RBFOX1: variants seen among roughly 807,000 people sequenced by gnomAD.
The protein encoded by RBFOX1 is RNA binding protein fox-1 homolog 1.
A neutral mutation model predicts 57.7 loss-of-function variants in RBFOX1; 8 were observed. The observed-to-expected ratio is 0.14, with a 90% confidence interval of 0.08 to 0.25. RBFOX1 has a LOEUF of 0.25. Ranked by LOEUF, RBFOX1 falls within the 10% of genes least tolerant of loss-of-function variation. The pLI is 1.00. For missense variants in RBFOX1, 611 were observed against 548.5 expected (o/e 1.11, Z -1.14); for synonymous variants, 326 against 222.4 (o/e 1.47, Z -4.15).
At chr16:6,458,461 C>G (rs1567322551) in intron 2 of RBFOX1, among the ~76,000 whole-genome samples, 1 of 152,230 alleles carries the variant, frequency 6.6e-6, no homozygotes, top group Non-Finnish European at 1.5e-5. Flanking sequence ...ACGGAAAGAG[C>G]TTGCCATGAC....
intron 1 of RBFOX1, among the ~76,000 whole-genome samples, chr16:6,051,198 G>A (rs932175347): frequency 1.3e-5 from 2 of 151,578 alleles, no homozygotes; most frequent in Non-Finnish European, 2.9e-5. Context: ...CTGGGTACTA[G>A]AGGTGTCCCA....
At chr16:6,590,661 C>T (rs946127529) in intron 2 of RBFOX1, among the ~76,000 whole-genome samples, 4 of 152,174 alleles carry the variant, frequency 2.6e-5, no homozygotes, top group Non-Finnish European at 4.4e-5. Flanking sequence ...TCCCTGCATT[C>T]AGAGGATATT....
At chr16:6,534,968 G>T (rs78066211) in intron 2 of RBFOX1, among the ~76,000 whole-genome samples, 1 of 152,272 alleles carries the variant, frequency 6.6e-6, no homozygotes, top group Non-Finnish European at 1.5e-5. Flanking sequence ...GTAGCAGGAG[G>T]TATGAGCTTT....
chr16:5,675,250 A>G (rs184883099), intron 3 of RBFOX1, among the ~76,000 whole-genome samples: 9 of 152,320 alleles, frequency 5.9e-5, no homozygotes, highest in Non-Finnish European at 1.3e-4. Context: ...CCACCCACAC[A>G]CACATAGAAA....
intron 4 of RBFOX1, among the ~76,000 whole-genome samples, chr16:5,929,433 G>A (rs1033471333): frequency 3.9e-5 from 6 of 152,090 alleles, no homozygotes; most frequent in Admixed American, 6.6e-5. Flanking sequence ...ATGTGACGTT[G>A]AGCAATCATC....
At chr16:6,257,065 TG>T (rs2097672375) in intron 1 of RBFOX1, among the ~76,000 whole-genome samples, 1 of 152,190 alleles carries the variant, frequency 6.6e-6, no homozygotes, top group Non-Finnish European at 1.5e-5. Context: ...GGTCATTTTT[TG>T]ATGTATTTTA....
chr16:5,858,816 G>A (rs1359309906), intron 3 of RBFOX1, among the ~76,000 whole-genome samples: 1 of 152,184 alleles, frequency 6.6e-6, no homozygotes, highest in Non-Finnish European at 1.5e-5. Flanking sequence ...TTACACTTAT[G>A]GTTAAAATTT....
intron 14 of RBFOX1, among the ~76,000 whole-genome samples, chr16:7,691,607 G>T (rs932480826): frequency 6.6e-6 from 1 of 152,102 alleles, no homozygotes; most frequent in Non-Finnish European, 1.5e-5. Context: ...TAGTTTCTTA[G>T]AGGGCTGTTT....
intron 4 of RBFOX1, among the ~76,000 whole-genome samples, chr16:7,160,723 G>C (rs1020038401): frequency 6.6e-5 from 10 of 151,542 alleles, no homozygotes; most frequent in African/African-American, 2.4e-4. Flanking sequence ...TACATTTTCA[G>C]GCAGTTTCTT....
At position 7,409,310 on chromosome 16, in the gene RBFOX1, A is replaced by G. The variant is rs185033206; in HGVS notation, c.28-108837A>G. ...TAGCTTTGTTCTGAACCGTTCAGTA[A>G]CAGTTCACTGGAGCAGAAAGAGCCC... On this transcript the variant is annotated intron_variant, in intron 4 of 15. Coordinates refer to ENST00000550418, the MANE Select transcript of RBFOX1 (RefSeq NM_018723.4). 2.6e-5 allele frequency among the ~76,000 whole-genome samples: 4 copies of G among 152,338 alleles called. No homozygotes were observed. In the East Asian group the frequency reaches 7.7e-4, roughly 29 times the overall value.
chr16:7,255,583 A>G (rs1236864080), intron 4 of RBFOX1, among the ~76,000 whole-genome samples: 2 of 152,188 alleles, frequency 1.3e-5, no homozygotes, highest in Admixed American at 6.5e-5. Context: ...GCATGTTTAT[A>G]TTTGTGCATG....
chr16:5,586,972 C>A lies in RBFOX1; in HGVS notation c.259-11930C>A, dbSNP rs111481988. Among the ~76,000 whole-genome samples the A allele has an allele frequency of 5.3e-3, 806 of 152,284 alleles. 5 individuals carry two copies. The highest frequency in any genetic ancestry group is 0.01 in the Middle Eastern group (3 of 294). ...TGAATTGTGTTGTCATTGAACCTTC[C>A]TGTGCTGCCCAGATGCCCTTCCCAG... On this transcript the variant is annotated intron_variant, in intron 2 of 2. Transcript: ENST00000585867.
intron 3 of RBFOX1, among the ~76,000 whole-genome samples, chr16:5,651,296 A>T (rs2049232346): frequency 6.6e-6 from 1 of 151,774 alleles, no homozygotes. Flanking sequence ...CACGTGACCC[A>T]CCTGCCTTGG....
intron 2 of RBFOX1, among the ~76,000 whole-genome samples, chr16:6,424,200 C>T (rs2093856479): frequency 6.6e-6 from 1 of 152,208 alleles, no homozygotes; most frequent in Non-Finnish European, 1.5e-5. Context: ...GATTGCACCA[C>T]TGCACTGCAG....
chr16:7,549,653 G>A (rs1382069412), intron 5 of RBFOX1, among the ~76,000 whole-genome samples: 1 of 152,146 alleles, frequency 6.6e-6, no homozygotes, highest in African/African-American at 2.4e-5. Context: ...TTGTTCAAGG[G>A]CAGGAAGCAT....
At chr16:6,876,246 A>C (rs1448079822) in intron 3 of RBFOX1, among the ~76,000 whole-genome samples, 1 of 152,084 alleles carries the variant, frequency 6.6e-6, no homozygotes, top group Non-Finnish European at 1.5e-5. Flanking sequence ...TAGATTCCTG[A>C]CATCCAGTCT....
At chr16:5,931,948 C>A (rs1281190400) in intron 4 of RBFOX1, among the ~76,000 whole-genome samples, 4 of 151,690 alleles carry the variant, frequency 2.6e-5, no homozygotes, top group Non-Finnish European at 4.4e-5. Context: ...GCTGGGACAA[C>A]AAGCATGCAC....
At chr16:5,462,054 C>G (rs1404410657) in intron 1 of RBFOX1, among the ~76,000 whole-genome samples, 1 of 152,162 alleles carries the variant, frequency 6.6e-6, no homozygotes, top group Non-Finnish European at 1.5e-5. Context: ...GCTCCTCACA[C>G]CATCACTGGC....
intron 1 of RBFOX1, chr16:6,092,416 C>G (rs2096188554): frequency 6.6e-6 from 1 of 152,166 alleles, no homozygotes; most frequent in Non-Finnish European, 1.5e-5. Flanking sequence ...TCTTGTTTTC[C>G]CTAGCCTGCT....
Sources: allele counts gnomAD v4.1 joint callset (sites outside exome capture counted in the v4.1 genomes callset), GRCh38; gene constraint gnomAD v4.1.1; transcripts MANE v1.5; gene names NCBI Gene and HGNC (gene_info 2026-07-23, HGNC 2026-07-21).